The following ZPBP variants were observed in gnomAD, a reference collection of about 807,000 sequenced individuals.
ZPBP encodes the protein zona pellucida binding protein.
A neutral mutation model predicts 44.8 loss-of-function variants in ZPBP; 26 were observed. That is an observed-to-expected ratio of 0.58 (90% CI 0.43 to 0.81). The LOEUF (loss-of-function observed/expected upper bound fraction) is 0.81, where lower values mean the gene tolerates loss of function less well. Among genes scored for constraint, ZPBP ranks in the 30% least tolerant of loss-of-function variants. The pLI is 0.00. For synonymous variants in ZPBP, 174 were observed against 153.2 expected (o/e 1.14, Z -1.00); for missense variants, 409 against 434.0 (o/e 0.94, Z 0.51).
At chr7:50,092,403 A>C (rs1012568626) in intron 1 of ZPBP, among the ~76,000 whole-genome samples, 35 of 151,840 alleles carry the variant, frequency 2.3e-4, no homozygotes, top group Non-Finnish European at 3.8e-4. Flanking sequence ...TCTTTTTTTC[A>C]TTATTCCTTA....
chr7:50,087,581 G>A (rs1340161749), intron 2 of ZPBP, among the ~76,000 whole-genome samples: 1 of 151,794 alleles, frequency 6.6e-6, no homozygotes, highest in Non-Finnish European at 1.5e-5. Context: ...ACTTATATCG[G>A]TTTTACACAA....
chr7:50,020,944 G>A (rs6952830), intron 5 of ZPBP, among the ~76,000 whole-genome samples: 44,021 of 151,888 alleles, frequency 0.29, 7,024 homozygotes, highest in Non-Finnish European at 0.37. Flanking sequence ...CAAAAGTTCA[G>A]GTAAATGGAA....
chr7:50,007,799 G>T (rs1562841056), intron 6 of ZPBP, among the ~76,000 whole-genome samples: 2 of 151,744 alleles, frequency 1.3e-5, no homozygotes, highest in Non-Finnish European at 2.9e-5. Flanking sequence ...TGTAGAAAAG[G>T]TATTTTTTAA....
chr7:49,863,740 A>G (rs1408469667), intron 2 of ZPBP, among the ~76,000 whole-genome samples: 1 of 151,896 alleles, frequency 6.6e-6, no homozygotes, highest in East Asian at 1.9e-4. Flanking sequence ...CTGCTTTTCT[A>G]TTCTCTATTT....
intron 7 of ZPBP, among the ~76,000 whole-genome samples, chr7:49,981,649 TCTTG>T (rs1360302331): frequency 0.091 from 4,789 of 52,538 alleles, 1,074 homozygotes; most frequent in East Asian, 0.14. Context: ...TTATATAATA[TCTTG>T]ATATAAAATA....
intron 6 of ZPBP, among the ~76,000 whole-genome samples, chr7:50,005,663 G>A (rs1002755867): frequency 2.0e-5 from 3 of 151,784 alleles, no homozygotes; most frequent in Non-Finnish European, 2.9e-5. Flanking sequence ...AACAAAGCAT[G>A]GCACTATGGG....
chr7:49,980,048 A>T (rs1211455329), intron 7 of ZPBP, among the ~76,000 whole-genome samples: 2 of 90,498 alleles, frequency 2.2e-5, no homozygotes, highest in African/African-American at 9.2e-5. Context: ...TAATATATAT[A>T]ATATAATTTT....
At chr7:49,973,937 G>A (rs1796398982) in intron 7 of ZPBP, among the ~76,000 whole-genome samples, 1 of 152,030 alleles carries the variant, frequency 6.6e-6, no homozygotes, top group Admixed American at 6.6e-5. Flanking sequence ...TAAATGAACA[G>A]GTATATGTAG....
At chr7:49,860,155 G>C (rs1054187287) in intron 2 of ZPBP, among the ~76,000 whole-genome samples, 1 of 151,866 alleles carries the variant, frequency 6.6e-6, no homozygotes, top group Non-Finnish European at 1.5e-5. Flanking sequence ...CAATCCAGTG[G>C]CATTGTACAT....
At chr7:49,888,239 C>CT (rs1315088668) in intron 2 of ZPBP, among the ~76,000 whole-genome samples, 1 of 152,068 alleles carries the variant, frequency 6.6e-6, no homozygotes, top group Non-Finnish European at 1.5e-5. Context: ...TTCCTTTTTC[C>CT]TTATCTTCTT....
At chr7:50,072,703 A>T (rs4917112) in intron 3 of ZPBP, among the ~76,000 whole-genome samples, 5 of 152,192 alleles carry the variant, frequency 3.3e-5, no homozygotes, top group African/African-American at 1.2e-4. Flanking sequence ...GTAATCCAGA[A>T]AATTTTCCTG....
At chr7:50,050,565 A>T (rs1800636222) in intron 4 of ZPBP, among the ~76,000 whole-genome samples, 1 of 152,056 alleles carries the variant, frequency 6.6e-6, no homozygotes, top group African/African-American at 2.4e-5. Context: ...AATAAAAGCA[A>T]TAAAAATCAA....
chr7:50,030,995 T>C, intron 5 of ZPBP, 97 bp downstream of exon 5: 1 of 1,031,100 alleles, frequency 9.7e-7, no homozygotes, highest in Non-Finnish European at 1.5e-6. Flanking sequence ...ATGGTGTTTA[T>C]GTTTATATCA....
chr7:49,973,856 T>C (rs1796395934), intron 7 of ZPBP, among the ~76,000 whole-genome samples: 1 of 152,148 alleles, frequency 6.6e-6, no homozygotes. Flanking sequence ...ATTCATATAA[T>C]TGTATACTAA....
intron 6 of ZPBP, among the ~76,000 whole-genome samples, chr7:50,007,160 T>A (rs1798348404): frequency 6.6e-6 from 1 of 151,982 alleles, no homozygotes. Context: ...ACCTTGAGCT[T>A]GGCATTTCTA....
chr7:49,957,269 A>C (rs1475479958), intron 7 of ZPBP, among the ~76,000 whole-genome samples: 1 of 152,234 alleles, frequency 6.6e-6, no homozygotes, highest in Non-Finnish European at 1.5e-5. Flanking sequence ...ATAGCAGCAC[A>C]GAGTGGACTA....
intron 6 of ZPBP, among the ~76,000 whole-genome samples, chr7:50,014,712 G>T (rs1399111761): frequency 6.6e-6 from 1 of 151,528 alleles, no homozygotes; most frequent in Non-Finnish European, 1.5e-5. Flanking sequence ...TAATCCACTC[G>T]CCTCAGCCTC....
chr7:50,043,893 A>C (rs1800214110), intron 4 of ZPBP, among the ~76,000 whole-genome samples: 1 of 152,210 alleles, frequency 6.6e-6, no homozygotes, highest in Non-Finnish European at 1.5e-5. Context: ...ACTTATTCTA[A>C]AATTGACCAT....
chr7:50,068,579 G>A (rs547040062), intron 3 of ZPBP, among the ~76,000 whole-genome samples: 24 of 152,144 alleles, frequency 1.6e-4, no homozygotes, highest in African/African-American at 3.9e-4. Context: ...TCACACCTGC[G>A]TTCATGCCTC....
Sources: allele counts gnomAD v4.1 joint callset (sites outside exome capture counted in the v4.1 genomes callset), GRCh38; gene constraint gnomAD v4.1.1; transcripts MANE v1.5; gene names NCBI Gene and HGNC (gene_info 2026-07-23, HGNC 2026-07-21).